Variants in DNAJC10 observed in about 807,000 individuals in gnomAD.
The protein encoded by DNAJC10 is endoplasmic reticulum disulfide reductase DNAJC10.
A neutral mutation model predicts 115.0 loss-of-function variants in DNAJC10; 101 were observed. The ratio of observed to expected loss-of-function variants is 0.88; its 90% CI spans 0.75 to 1.04. The LOEUF (loss-of-function observed/expected upper bound fraction) is 1.04, where lower values mean the gene tolerates loss of function less well. Among genes scored for constraint, DNAJC10 ranks in the 50% least tolerant of loss-of-function variants. DNAJC10 has a pLI of 0.00. For missense variants in DNAJC10, 981 were observed against 928.8 expected (o/e 1.06, Z -0.73); for synonymous variants, 307 against 301.5 (o/e 1.02, Z -0.19).
rs1376496827 is a variant in DNAJC10 at position 182,784,243 on chromosome 2, T to A, written c.*7111T>A. On this transcript the variant is annotated 3_prime_UTR_variant, in exon 24 of 24. Coordinates refer to ENST00000264065, the MANE Select transcript of DNAJC10 (RefSeq NM_018981.4). ...TGGAGGCTGAGACAGGAGAATTGCATGAACCCGGAGGCAAAGGTTGCAGTG... is the reference window on the plus strand; with the variant it reads ...TGGAGGCTGAGACAGGAGAATTGCAAGAACCCGGAGGCAAAGGTTGCAGTG... 6.6e-6 allele frequency: 1 copy of A among 152,074 alleles called. No individual in the cohort carries two copies. Among genetic ancestry groups the A allele is most frequent in the South Asian group, 2.1e-4 (1 of 4,818 alleles). 9.4% of individuals were successfully genotyped at this position (152,074 alleles called of 1,614,324 possible).
intron 22 of DNAJC10, among the ~76,000 whole-genome samples, chr2:182,774,204 A>T (rs1026148713): frequency 6.6e-6 from 1 of 152,118 alleles, no homozygotes; most frequent in Non-Finnish European, 1.5e-5. Flanking sequence ...TTGCTGCCTG[A>T]TGCTTCCTCT....
chr2:182,742,945 C>G (rs997034399), intron 13 of DNAJC10, among the ~76,000 whole-genome samples: 5 of 151,984 alleles, frequency 3.3e-5, no homozygotes, highest in African/African-American at 1.2e-4. Flanking sequence ...CTCCTGGATT[C>G]AAGCAGTTCT....
intron 14 of DNAJC10, 31 bp downstream of exon 14, chr2:182,743,743 C>A: frequency 3.5e-6 from 5 of 1,421,990 alleles, no homozygotes; most frequent in Non-Finnish European, 4.9e-6. Flanking sequence ...TAAAAAAAAA[C>A]TTAGCTTCAT....
At chr2:182,751,443 A>G (rs1472328583) in intron 14 of DNAJC10, among the ~76,000 whole-genome samples, 2 of 152,100 alleles carry the variant, frequency 1.3e-5, no homozygotes, top group South Asian at 2.1e-4. Flanking sequence ...CAATTTTGAC[A>G]TTTTTAACTA....
chr2:182,741,202 T>A (rs778068116), intron 12 of DNAJC10, 41 bp from the exon 13 acceptor site: 14 of 1,340,584 alleles, frequency 1.0e-5, no homozygotes, highest in Non-Finnish European at 1.1e-5. Flanking sequence ...ACCCTTAGAA[T>A]TTCCCATCTC....
chr2:182,743,612 C>T lies in DNAJC10; in HGVS notation c.1206C>T (p.Asp402=), dbSNP rs1693791724. The change falls in exon 14 of 24, where the codon GAC becomes GAT. Residue 402 remains aspartate (D), a synonymous_variant. Coordinates refer to ENST00000264065, the MANE Select transcript of DNAJC10 (RefSeq NM_018981.4). The part of the protein sequence containing the change: ...KNDHIQVGRF[D]CSSAPDICSN... ...TTCTCCTTTAGGTTGGCAGGTTTGA[C>T]TGTTCCTCTGCACCAGACATCTGTA... The T allele has an allele frequency of 2.5e-6, 4 of 1,612,842 alleles. No individual in the cohort carries two copies. In the South Asian group the frequency reaches 4.4e-5, roughly 18 times the overall value.
chr2:182,737,500 G>A lies in DNAJC10; in HGVS notation c.987+1114G>A, dbSNP rs117872008. Among the ~76,000 whole-genome samples the A allele has an allele frequency of 6.8e-4, 103 of 152,188 alleles. 2 individuals carry two copies. In the East Asian group the frequency reaches 0.02, roughly 29 times the overall value. On this transcript the variant is annotated intron_variant, in intron 11 of 23. Transcript: ENST00000264065. ...TCCAGATCTCTACTGAAATATATAT[G>A]CAATTACGACTTTGTGCCAGCAATT...
In DNAJC10 at chr2:182,754,992, C is replaced by A; in HGVS notation, c.1552-11C>A. ...TATAAAATCTTTAATTCATATTCTC[C>A]TTCCTATCAGTATAACATTCAGGCT... On this transcript the variant is annotated splice_polypyrimidine_tract_variant and intron_variant, in intron 16 of 23. Coordinates refer to ENST00000264065, the MANE Select transcript of DNAJC10 (RefSeq NM_018981.4). The A allele has an allele frequency of 1.3e-6, 2 of 1,536,690 alleles. No homozygotes were observed. Among genetic ancestry groups the A allele is most frequent in the South Asian group, 1.1e-5 (1 of 88,342 alleles).
intron 3 of DNAJC10, 54 bp downstream of exon 3, chr2:182,718,344 A>G (rs994116332): frequency 2.2e-6 from 3 of 1,392,424 alleles, no homozygotes; most frequent in African/African-American, 2.9e-5. Flanking sequence ...GTACATTTTG[A>G]TATTTATTTA....
intron 22 of DNAJC10, among the ~76,000 whole-genome samples, chr2:182,768,494 G>A (rs1042308340): frequency 9.2e-5 from 14 of 152,206 alleles, no homozygotes; most frequent in African/African-American, 3.4e-4. Context: ...TTCAGCCATT[G>A]AGGCCAGACA....
Position 182,792,989 on chromosome 2 carries a change from C to G in DNAJC10, c.*15857C>G, listed in dbSNP as rs1695079703. The G allele has an allele frequency of 1.3e-5, 2 of 151,954 alleles. No individual in the cohort carries two copies. The highest frequency in any genetic ancestry group is 6.6e-5 in the Admixed American group (1 of 15,234). 9.4% of individuals were successfully genotyped at this position (151,954 alleles called of 1,614,324 possible). On this transcript the variant is annotated 3_prime_UTR_variant, in exon 24 of 24. Coordinates refer to ENST00000264065, the MANE Select transcript of DNAJC10 (RefSeq NM_018981.4). ...GCTGTGAAATAAAGAAAAAGGTAGACCAGGGTATGAGGGATTAGGAGTGTG... is the reference window on the plus strand; with the variant it reads ...GCTGTGAAATAAAGAAAAAGGTAGAGCAGGGTATGAGGGATTAGGAGTGTG...
chr2:182,747,509 C>G lies in DNAJC10; in HGVS notation c.1306+3797C>G, dbSNP rs1489177970. The stretch of plus-strand genomic sequence containing the variant: ...TTTGTAGCAATTGTGAATGGGAGTT[C>G]ACTCATGATTTGGCTCTGTTTGTCT... On this transcript the variant is annotated intron_variant, in intron 14 of 23. Coordinates refer to ENST00000264065, the MANE Select transcript of DNAJC10 (RefSeq NM_018981.4). Among the ~76,000 whole-genome samples, 4 of 150,276 alleles carry G rather than the reference C, an allele frequency of 2.7e-5. No individual in the cohort carries two copies. In the East Asian group the frequency reaches 5.9e-4, roughly 22 times the overall value.
intron 5 of DNAJC10, among the ~76,000 whole-genome samples, chr2:182,726,236 G>A (rs1486242743): frequency 1.3e-5 from 2 of 152,040 alleles, no homozygotes; most frequent in African/African-American, 4.8e-5. Flanking sequence ...TAGAAGTGGA[G>A]CCTGATTATG....
chr2:182,751,628 G>T, intron 14 of DNAJC10, 30 bp from the exon 15 acceptor site: 2 of 1,602,570 alleles, frequency 1.2e-6, no homozygotes, highest in Non-Finnish European at 1.7e-6. Context: ...GCAGAATTTG[G>T]ATTTGAATTT....
rs1252979770 is a variant in DNAJC10, at chr2:182,779,702, T to C, written c.*2570T>C. On this transcript the variant is annotated 3_prime_UTR_variant, in exon 24 of 24. Transcript: ENST00000264065. ...TGATTAAGATAAAGGAAAAGTAAAA[T>C]GAAATGTTTATGTAATTTTATATTC... The C allele has an allele frequency of 6.6e-6, 1 of 152,226 alleles. No individual in the cohort carries two copies. The highest frequency in any genetic ancestry group is 2.4e-5 in the African/African-American group (1 of 41,464). 9.4% of individuals were successfully genotyped at this position (152,226 alleles called of 1,614,324 possible). A position where few individuals can be genotyped will look rare whatever the true frequency, so the allele number is the denominator to read the frequency against.
At chr2:182,760,948 T>C (rs1473159814) in intron 21 of DNAJC10, among the ~76,000 whole-genome samples, 2 of 152,194 alleles carry the variant, frequency 1.3e-5, no homozygotes, top group East Asian at 1.9e-4. Context: ...CTAAAAACTT[T>C]AGTTATAAAC....
intron 21 of DNAJC10, 41 bp downstream of exon 21, chr2:182,759,348 T>C (rs375193100): frequency 1.7e-5 from 27 of 1,560,256 alleles, no homozygotes; most frequent in Non-Finnish European, 2.2e-5. Flanking sequence ...GCCACATTCA[T>C]GTTTTAGTAA....
rs1012239131 is a variant in DNAJC10 at position 182,722,926 on chromosome 2, G to A, written c.418+851G>A. 5.3e-5 allele frequency among the ~76,000 whole-genome samples: 8 copies of A among 151,646 alleles called. No homozygotes were observed. In the South Asian group the frequency reaches 6.2e-4, roughly 12 times the overall value. Reference sequence around the variant, plus strand: ...CAAAAAAAAAGAAAACTAAAATAGCGTACCAGTCGCAAAAAATACATATAA... The same window carrying A: ...CAAAAAAAAAGAAAACTAAAATAGCATACCAGTCGCAAAAAATACATATAA... On this transcript the variant is annotated intron_variant, in intron 5 of 23. Coordinates refer to ENST00000264065, the MANE Select transcript of DNAJC10 (RefSeq NM_018981.4).
chr2:182,774,167 A>G (rs1694642479), intron 22 of DNAJC10, among the ~76,000 whole-genome samples: 2 of 152,242 alleles, frequency 1.3e-5, no homozygotes, highest in African/African-American at 4.8e-5. Flanking sequence ...AGGCTGCAGA[A>G]CAGCAAATAT....
Sources: allele counts gnomAD v4.1 joint callset (sites outside exome capture counted in the v4.1 genomes callset), GRCh38; gene constraint gnomAD v4.1.1; transcripts MANE v1.5; gene names NCBI Gene and HGNC (gene_info 2026-07-23, HGNC 2026-07-21).